LHFPL6: variants seen among roughly 807,000 people sequenced by gnomAD.
The protein encoded by LHFPL6 is LHFPL tetraspan subfamily member 6.
LHFPL6 carries 9 observed loss-of-function variants against 20.6 expected under a neutral mutation model. The observed-to-expected ratio is 0.44, with a 90% CI of 0.26 to 0.76. The LOEUF is 0.76. Ranked by LOEUF, LHFPL6 falls within the 30% of genes least tolerant of loss-of-function variation. The pLI, the probability that LHFPL6 is intolerant of heterozygous loss-of-function variation, is 0.20. For synonymous variants in LHFPL6, 105 were observed against 98.7 expected (o/e 1.06, Z -0.38); for missense variants, 218 against 253.5 (o/e 0.86, Z 0.95).
intron 2 of LHFPL6, among the ~76,000 whole-genome samples, chr13:39,565,158 A>C (rs1871669327): frequency 6.6e-6 from 1 of 152,156 alleles, no homozygotes; most frequent in Non-Finnish European, 1.5e-5. Context: ...TGCCATCTAT[A>C]TCATCTTATA....
chr13:39,483,785 T>G (rs2138447427), intron 2 of LHFPL6, among the ~76,000 whole-genome samples: 1 of 152,304 alleles, frequency 6.6e-6, no homozygotes, highest in Admixed American at 6.5e-5. Flanking sequence ...CAGCCAGCAC[T>G]TGCTTGTGAT....
intron 2 of LHFPL6, among the ~76,000 whole-genome samples, chr13:39,424,632 T>A (rs1420293100): frequency 6.6e-6 from 1 of 152,136 alleles, no homozygotes; most frequent in Non-Finnish European, 1.5e-5. Context: ...AACATCCAAT[T>A]TAATATTACG....
chr13:39,505,377 C>T (rs988840871), intron 2 of LHFPL6, among the ~76,000 whole-genome samples: 1 of 152,136 alleles, frequency 6.6e-6, no homozygotes, highest in East Asian at 1.9e-4. Context: ...TGAAGGCCTA[C>T]TATGCATAAG....
At chr13:39,354,791 G>A (rs1869682879) in intron 3 of LHFPL6, among the ~76,000 whole-genome samples, 1 of 151,906 alleles carries the variant, frequency 6.6e-6, no homozygotes, top group Non-Finnish European at 1.5e-5. Context: ...AATAGACCAA[G>A]CTGAGGAAAG....
At chr13:39,593,311 A>G (rs1352810384) in intron 2 of LHFPL6, among the ~76,000 whole-genome samples, 1 of 152,252 alleles carries the variant, frequency 6.6e-6, no homozygotes, top group Non-Finnish European at 1.5e-5. Context: ...AATCACAAGC[A>G]TTCTTATACA....
chr13:39,425,681 G>A (rs890550538), intron 2 of LHFPL6, among the ~76,000 whole-genome samples: 61 of 152,250 alleles, frequency 4.0e-4, no homozygotes, highest in African/African-American at 1.4e-3. Flanking sequence ...TGTTTTTGAT[G>A]AAGTGTCCAA....
chr13:39,588,119 A>T (rs1195513530), intron 2 of LHFPL6, among the ~76,000 whole-genome samples: 2 of 152,064 alleles, frequency 1.3e-5, no homozygotes, highest in East Asian at 3.9e-4. Flanking sequence ...GAGGCTGCTG[A>T]GCCCCTCACG....
chr13:39,531,636 T>TTCTAAGATCCGCAGCTTCCC (rs1386259811), intron 2 of LHFPL6, among the ~76,000 whole-genome samples: 3 of 152,186 alleles, frequency 2.0e-5, no homozygotes, highest in Non-Finnish European at 4.4e-5. Context: ...GGTAGATTCC[T>TTCTAAGATCCGCAGCTTCCC]TCTAAGATCC....
At chr13:39,395,398 G>A (rs767815611) in intron 2 of LHFPL6, among the ~76,000 whole-genome samples, 4 of 152,260 alleles carry the variant, frequency 2.6e-5, no homozygotes, top group Admixed American at 6.5e-5. Flanking sequence ...TGGAGTTATC[G>A]TTAGGACTTT....
chr13:39,446,589 G>A (rs1005421221), intron 2 of LHFPL6, among the ~76,000 whole-genome samples: 2 of 151,976 alleles, frequency 1.3e-5, no homozygotes, highest in African/African-American at 4.8e-5. Context: ...AATCAACGTC[G>A]TATCTGAGGA....
intron 1 of LHFPL6, among the ~76,000 whole-genome samples, chr13:39,602,376 C>T (rs1872981582): frequency 6.6e-6 from 1 of 152,178 alleles, no homozygotes; most frequent in South Asian, 2.1e-4. Context: ...CTAACCACCG[C>T]CCATTTTCAG....
intron 2 of LHFPL6, among the ~76,000 whole-genome samples, chr13:39,399,748 T>A (rs939067790): frequency 1.3e-5 from 2 of 152,182 alleles, no homozygotes; most frequent in Non-Finnish European, 1.5e-5. Context: ...TGAAAGGAGA[T>A]GAAGGGGATC....
intron 2 of LHFPL6, among the ~76,000 whole-genome samples, chr13:39,385,452 C>T (rs1414422539): frequency 3.3e-5 from 5 of 152,358 alleles, no homozygotes; most frequent in South Asian, 4.1e-4. Flanking sequence ...GGCAATGCTG[C>T]TGTGATGAAA....
chr13:39,498,245 C>T (rs1436368041), intron 2 of LHFPL6, among the ~76,000 whole-genome samples: 1 of 152,162 alleles, frequency 6.6e-6, no homozygotes, highest in African/African-American at 2.4e-5. Flanking sequence ...CCCCTAAGAC[C>T]GGACTTACCC....
rs1869091864 is a variant in LHFPL6 at position 39,496,077 on chromosome 13, G to T, written c.385+104755C>A. ...TCTATGGAAAAGGGAGATTAGAGAAGAAGAAAGAAAAAAGACAGCTCAGCC... is the reference window on the plus strand; with the variant it reads ...TCTATGGAAAAGGGAGATTAGAGAATAAGAAAGAAAAAAGACAGCTCAGCC... On this transcript the variant is annotated intron_variant, in intron 2 of 3. Transcript: ENST00000379589. Among the ~76,000 whole-genome samples, 2 of 152,132 alleles carry T rather than the reference G, an allele frequency of 1.3e-5. 1 individual carries two copies. The highest frequency in any genetic ancestry group is 4.8e-5 in the African/African-American group (2 of 41,430).
At chr13:39,437,076 TG>T (rs201275105) in intron 2 of LHFPL6, among the ~76,000 whole-genome samples, 2 of 152,246 alleles carry the variant, frequency 1.3e-5, no homozygotes, top group East Asian at 3.8e-4. Context: ...TTCTGGTAGA[TG>T]GTAAGTGCTC....
rs376822592 is a variant in LHFPL6, at chr13:39,519,103, G to C, written c.385+81729C>G. ...ATACAAAAATTAGCAGGGCGTGGTGGTGAGCGCCTGTAATCCCAGCTACTC... is the reference window on the plus strand; with the variant it reads ...ATACAAAAATTAGCAGGGCGTGGTGCTGAGCGCCTGTAATCCCAGCTACTC... On this transcript the variant is annotated intron_variant, in intron 2 of 3. Transcript: ENST00000379589. 9.2e-5 allele frequency among the ~76,000 whole-genome samples: 14 copies of C among 152,288 alleles called. No individual in the cohort carries two copies. In the East Asian group the frequency reaches 2.5e-3, roughly 27 times the overall value.
chr13:39,451,050 C>T (rs1872431564), intron 2 of LHFPL6, among the ~76,000 whole-genome samples: 1 of 152,132 alleles, frequency 6.6e-6, no homozygotes, highest in African/African-American at 2.4e-5. Context: ...TTTATTTCTA[C>T]TCTCCGGAAG....
chr13:39,532,730 T>C (rs1225876905), intron 2 of LHFPL6, among the ~76,000 whole-genome samples: 2 of 152,160 alleles, frequency 1.3e-5, no homozygotes, highest in African/African-American at 4.8e-5. Context: ...AATGCTGTCA[T>C]TCCAACTTAT....
Sources: gnomAD v4.1 joint callset for allele counts (sites outside exome capture counted in the v4.1 genomes callset) on GRCh38, gnomAD v4.1.1 for gene constraint, MANE v1.5 for transcripts, NCBI Gene and HGNC (gene_info 2026-07-23, HGNC 2026-07-21) for gene names.